PLEKHG7: variants seen among roughly 807,000 people sequenced by gnomAD.
PLEKHG7 encodes the protein pleckstrin homology and RhoGEF domain containing G7.
A neutral mutation model predicts 85.2 loss-of-function variants in PLEKHG7; 77 were observed. The observed-to-expected ratio is 0.90, with a 90% CI of 0.75 to 1.09. The LOEUF is 1.09. Among genes scored for constraint, PLEKHG7 ranks in the 50% least tolerant of loss-of-function variants. The pLI is 0.00. For synonymous variants in PLEKHG7, 301 were observed against 302.4 expected (o/e 1.00, Z 0.05); for missense variants, 777 against 804.3 (o/e 0.97, Z 0.41).
intron 10 of PLEKHG7, among the ~76,000 whole-genome samples, chr12:92,748,043 G>T (rs1474624052): frequency 6.6e-6 from 1 of 152,150 alleles, no homozygotes; most frequent in African/African-American, 2.4e-5. Context: ...GATTTGAAAT[G>T]TTCTCAACAT....
chr12:92,741,512 A>G lies in PLEKHG7; in HGVS notation c.1057A>G (p.Ser353Gly). Residue 353 changes from serine (S) to glycine (G), a missense_variant, in exon 9 of 17, where the codon AGT (serine) becomes GGT (glycine). Around this residue, in one of 3 missense-constraint regions of PLEKHG7, gnomAD observed 520 missense variants for 544.0 expected, o/e 0.96. Coordinates refer to ENST00000344636, the MANE Select transcript of PLEKHG7 (RefSeq NM_001377329.1). ...LTQTSLGFVN[S>G]LFGIIKDYVD... is the part of the protein sequence containing the mutation. ...CTAGACAAGCCTTGGTTTTGTGAAC[A>G]GTCTCTTTGGCATCATCAAGGACTA... 5 of 1,610,544 alleles carry G rather than the reference A, an allele frequency of 3.1e-6. No homozygotes were observed. The highest frequency in any genetic ancestry group is 4.2e-6 in the Non-Finnish European group (5 of 1,178,724).
rs1237569098 is a variant in PLEKHG7, at chr12:92,770,384, CT to C, written c.*190del. ...GAATAATGACTGCAACAAATTTGAACTCTGAGGAATTTCTTGACAAATATAT... is the reference window on the plus strand; with the variant it reads ...GAATAATGACTGCAACAAATTTGAACCTGAGGAATTTCTTGACAAATATAT... On this transcript the variant is annotated 3_prime_UTR_variant, in exon 17 of 17. Transcript: ENST00000344636. 9.7e-6 allele frequency: 5 copies of C among 514,696 alleles called. No individual in the cohort carries two copies. The African/African-American group carries it at 1.0e-4, about 10-fold the overall frequency. The allele number at this position is 514,696 out of a possible 1,614,324, so 31.9% of individuals were successfully genotyped here.
rs979259777 is a variant in PLEKHG7, at chr12:92,703,070, G to A, written c.-224G>A. On this transcript the variant is annotated 5_prime_UTR_variant, in exon 1 of 17. Coordinates refer to ENST00000344636, the MANE Select transcript of PLEKHG7 (RefSeq NM_001377329.1). ...CCTGGCAGCTCACTCTGGATCTGCG[G>A]GTTCTGAGGAGCCTCGGGACCCACC... 3 of 152,234 alleles carry A rather than the reference G, an allele frequency of 2.0e-5. No individual in the cohort carries two copies. The highest frequency in any genetic ancestry group is 4.4e-5 in the Non-Finnish European group (3 of 68,062). The allele number at this position is 152,234 out of a possible 1,614,324, so 9.4% of individuals were successfully genotyped here.
intron 6 of PLEKHG7, 147 bp from the exon 7 acceptor site, chr12:92,737,231 G>A (rs1592680204): frequency 4.5e-6 from 3 of 671,066 alleles, no homozygotes; most frequent in Non-Finnish European, 6.4e-6. Flanking sequence ...GGGAGTCACT[G>A]TCAAGAGGGA....
At chr12:92,766,777 C>A (rs1205211836) in intron 15 of PLEKHG7, among the ~76,000 whole-genome samples, 2 of 152,162 alleles carry the variant, frequency 1.3e-5, no homozygotes, top group Non-Finnish European at 2.9e-5. Context: ...TTGCAGTGAG[C>A]CAAGGTCGCA....
chr12:92,751,637 G>T (rs1395173390), intron 10 of PLEKHG7, among the ~76,000 whole-genome samples: 1 of 150,718 alleles, frequency 6.6e-6, no homozygotes, highest in African/African-American at 2.4e-5. Flanking sequence ...GCCTCCCAAA[G>T]TGCTGGGATT....
chr12:92,753,550 T>C (rs1872747549), intron 10 of PLEKHG7, among the ~76,000 whole-genome samples: 1 of 152,198 alleles, frequency 6.6e-6, no homozygotes, highest in Admixed American at 6.5e-5. Flanking sequence ...TATTGAAAAT[T>C]GTCCGCATCT....
Position 92,706,791 on chromosome 12 carries a change from T to A in PLEKHG7, c.160T>A (p.Leu54Ile), listed in dbSNP as rs766740485. 3.7e-6 allele frequency: 6 copies of A among 1,613,796 alleles called. No individual in the cohort carries two copies. In the African/African-American group the frequency reaches 5.3e-5, roughly 14 times the overall value. Residue 54 changes from leucine (L) to isoleucine (I), a missense_variant, in exon 2 of 17, where the codon TTA (leucine) becomes ATA (isoleucine). Leu to Ile is a conservative substitution (Grantham distance 5). This residue lies in a region of PLEKHG7 where 252 missense variants were observed against 241.9 expected (regional missense o/e 1.04). Transcript: ENST00000344636. ...CTCCACCTCGCCCACTTTGAGGAGA[T>A]TAAGGACCCGTGGCTGTGGGACAAG... ...RISTSPTLRR[L>I]RTRGCGTRQD...
At chr12:92,769,251 C>T (rs1163980862) in intron 16 of PLEKHG7, among the ~76,000 whole-genome samples, 171 bp downstream of exon 16, 1 of 152,064 alleles carries the variant, frequency 6.6e-6, no homozygotes, top group Admixed American at 6.5e-5. Flanking sequence ...TGCTCAAAAG[C>T]CTCAGTATTG....
chr12:92,716,078 G>A (rs563912628), intron 3 of PLEKHG7, among the ~76,000 whole-genome samples: 1 of 150,156 alleles, frequency 6.7e-6, no homozygotes, highest in African/African-American at 2.5e-5. Context: ...TGGTTTTGGG[G>A]TTTTTTTGTT....
chr12:92,721,569 G>T, intron 3 of PLEKHG7: 3 of 1,114,144 alleles, frequency 2.7e-6, no homozygotes, highest in South Asian at 4.5e-5. Context: ...TGGTGGGTGG[G>T]GGTGGGGAAA....
intron 10 of PLEKHG7, among the ~76,000 whole-genome samples, chr12:92,753,157 G>A (rs956395520): frequency 3.3e-5 from 5 of 152,124 alleles, no homozygotes; most frequent in African/African-American, 4.8e-5. Context: ...TCCCTTTATC[G>A]CTGAACTCAG....
chr12:92,749,316 G>C (rs1592684358), intron 10 of PLEKHG7, among the ~76,000 whole-genome samples: 1 of 127,660 alleles, frequency 7.8e-6, no homozygotes, highest in East Asian at 2.0e-4. Context: ...TATTGAGACA[G>C]AGTCTGACTC....
At position 92,770,116 on chromosome 12, in the gene PLEKHG7, C is replaced by T; in HGVS notation, c.1997C>T (p.Ala666Val). The T allele has an allele frequency of 1.9e-6, 3 of 1,605,110 alleles. No homozygotes were observed. Among genetic ancestry groups the T allele is most frequent in the Non-Finnish European group, 2.5e-6 (3 of 1,176,732 alleles). ...KKTWMAQITT[A>V]ISCFTKSQET... ...ACATGGATGGCACAAATAACAACTGCAATTTCTTGCTTTACCAAGAGTCAG... is the reference window on the plus strand; with the variant it reads ...ACATGGATGGCACAAATAACAACTGTAATTTCTTGCTTTACCAAGAGTCAG... The change falls in exon 17 of 17, where the codon GCA becomes GTA. Residue 666 changes from alanine (A) to valine (V), a missense_variant. By Grantham distance (64) the Ala-to-Val change is moderately conservative (BLOSUM62 0). Around this residue, in one of 3 missense-constraint regions of PLEKHG7, gnomAD observed 520 missense variants for 544.0 expected, o/e 0.96. Coordinates refer to ENST00000344636, the MANE Select transcript of PLEKHG7 (RefSeq NM_001377329.1).
At chr12:92,756,649 C>G (rs1016495962) in intron 13 of PLEKHG7, among the ~76,000 whole-genome samples, 1 of 152,152 alleles carries the variant, frequency 6.6e-6, no homozygotes, top group African/African-American at 2.4e-5. Context: ...AAACAACATA[C>G]AAGAACAACT....
At chr12:92,763,894 C>G in intron 14 of PLEKHG7, 147 bp from the exon 15 acceptor site, 2 of 537,710 alleles carry the variant, frequency 3.7e-6, no homozygotes, top group Non-Finnish European at 6.0e-6. Flanking sequence ...AAATGCTTTT[C>G]AAGATCCAGA....
At chr12:92,725,954 C>T (rs1018169959) in intron 3 of PLEKHG7, among the ~76,000 whole-genome samples, 6 of 152,140 alleles carry the variant, frequency 3.9e-5, no homozygotes, top group Admixed American at 2.0e-4. Context: ...AAATCAGAAT[C>T]TCCACGGTGG....
intron 3 of PLEKHG7, among the ~76,000 whole-genome samples, chr12:92,715,178 C>G (rs1871448067): frequency 1.3e-5 from 2 of 152,172 alleles, no homozygotes; most frequent in Non-Finnish European, 2.9e-5. Context: ...AACTTGGAGT[C>G]CAATGTTCGA....
intron 9 of PLEKHG7, among the ~76,000 whole-genome samples, chr12:92,742,617 A>C: frequency 7.0e-6 from 1 of 143,802 alleles, no homozygotes; most frequent in Non-Finnish European, 1.5e-5. Flanking sequence ...AGACAGTCTC[A>C]CTCTGTTGCC....
Sources: gnomAD v4.1 joint callset for allele counts (sites outside exome capture counted in the v4.1 genomes callset) on GRCh38, gnomAD v4.1.1 for gene constraint, gnomAD v4.1.1 regional missense constraint, MANE v1.5 for transcripts, NCBI Gene and HGNC (gene_info 2026-07-23, HGNC 2026-07-21) for gene names.